SLC7A2: variants seen among roughly 807,000 people sequenced by gnomAD.
SLC7A2 encodes solute carrier family 7 member 2.
A neutral mutation model predicts 58.9 loss-of-function variants in SLC7A2; 48 were observed. The ratio of observed to expected loss-of-function variants is 0.82; its 90% CI spans 0.65 to 1.04. The LOEUF is 1.04. SLC7A2 is among the 50% of genes least tolerant of loss of function. SLC7A2 has a pLI of 0.00. For missense variants in SLC7A2, 1,029 were observed against 818.8 expected (o/e 1.26, Z -3.13); for synonymous variants, 363 against 314.5 (o/e 1.15, Z -1.63).
At chr8:17,555,001 G>A in intron 8 of SLC7A2, 1 of 1,614,042 alleles carries the variant, frequency 6.2e-7, no homozygotes, top group Non-Finnish European at 8.5e-7. Context: ...GGCCCGGGAT[G>A]GCTTACTGTT....
intron 4 of SLC7A2, among the ~76,000 whole-genome samples, chr8:17,545,410 T>G (rs1001740452): frequency 7.2e-6 from 1 of 139,818 alleles, no homozygotes; most frequent in Non-Finnish European, 1.6e-5. Flanking sequence ...TTTCTTTTTT[T>G]TTTTTTTTTT....
chr8:17,548,637 T>C (rs1173292773), intron 4 of SLC7A2, 41 bp from the exon 5 acceptor site: 1 of 1,498,040 alleles, frequency 6.7e-7, no homozygotes, highest in Non-Finnish European at 9.2e-7. Context: ...CTATTGCCTT[T>C]CCTAAAGCTA....
intron 7 of SLC7A2, among the ~76,000 whole-genome samples, chr8:17,552,303 A>T (rs927736131): frequency 6.6e-6 from 1 of 152,170 alleles, no homozygotes. Context: ...TATAGGCATT[A>T]TGAAACTTCA....
At position 17,564,958 on chromosome 8, in the gene SLC7A2, A is replaced by T; in HGVS notation, c.1789A>T (p.Ile597Phe). ...TTTTCCTGCCCCAACAGGCTTCCTG[A>T]TTTACTTTTCTTATGGCATTAGACA... ...FSIWMAIGFL[I>F]YFSYGIRHSL... The change falls in exon 13 of 13, where the codon ATT (isoleucine) becomes TTT (phenylalanine). Residue 597 changes from isoleucine to phenylalanine, a missense_variant. Coordinates refer to ENST00000494857, the MANE Select transcript of SLC7A2 (RefSeq NM_001370338.1). The T allele has an allele frequency of 6.3e-7, 1 of 1,575,084 alleles. No homozygotes were observed. The highest frequency in any genetic ancestry group is 8.6e-7 in the Non-Finnish European group (1 of 1,164,798).
intron 7 of SLC7A2, 57 bp from the exon 8 acceptor site, chr8:17,554,503 G>C: frequency 7.2e-7 from 1 of 1,390,990 alleles, no homozygotes; most frequent in African/African-American, 1.5e-5. Context: ...ATTTCCGTTC[G>C]GGGATGTAAT....
intron 2 of SLC7A2, among the ~76,000 whole-genome samples, chr8:17,504,055 G>A (rs1336754720): frequency 6.6e-6 from 1 of 152,214 alleles, no homozygotes; most frequent in Non-Finnish European, 1.5e-5. Flanking sequence ...GATTCCCCAA[G>A]CAAAGTGAGA....
Position 17,551,865 on chromosome 8 carries a change from C to G in SLC7A2, c.934C>G (p.Leu312Val), listed in dbSNP as rs557501641. The G allele has an allele frequency of 1.2e-6, 2 of 1,613,974 alleles. No homozygotes were observed. The highest frequency in any genetic ancestry group is 1.3e-5 in the African/African-American group (1 of 74,990). The change falls in exon 7 of 13, where the codon CTT becomes GTT. Residue 312 changes from leucine (L) to valine (V), a missense_variant. Coordinates refer to ENST00000494857, the MANE Select transcript of SLC7A2 (RefSeq NM_001370338.1). ...TTTTGGGGTCTCTGCAGCTTTAACA[C>G]TTATGATGCCGTACTACCTCCTCGA... ...AYFGVSAALTLMMPYYLLDEK... is the reference protein window; with the variant it reads ...AYFGVSAALTVMMPYYLLDEK...
chr8:17,550,919 C>T lies in SLC7A2; in HGVS notation c.832+485C>T, dbSNP rs373300727. The stretch of plus-strand genomic sequence containing the variant: ...TCTCTAAATGCCTCCTCTATTTTTA[C>T]GTCATAGTGTGGCCATACAATTGAC... On this transcript the variant is annotated intron_variant, in intron 6 of 12. Coordinates refer to ENST00000494857, the MANE Select transcript of SLC7A2 (RefSeq NM_001370338.1). Among the ~76,000 whole-genome samples, 10 of 152,272 alleles carry T rather than the reference C, an allele frequency of 6.6e-5. No individual in the cohort carries two copies. In the South Asian group the frequency reaches 1.7e-3, roughly 25 times the overall value.
At chr8:17,561,813 C>T (rs928574177) in intron 10 of SLC7A2, 131 bp from the exon 11 acceptor site, 40 of 800,388 alleles carry the variant, frequency 5.0e-5, no homozygotes, top group East Asian at 4.7e-4. Flanking sequence ...AAGGGCAAGG[C>T]GAAGACTCTT....
At chr8:17,527,496 T>A (rs889428107) in intron 2 of SLC7A2, among the ~76,000 whole-genome samples, 5 of 152,158 alleles carry the variant, frequency 3.3e-5, no homozygotes, top group Non-Finnish European at 5.9e-5. Flanking sequence ...ACAAACTGGG[T>A]AGCTTAAAAT....
intron 8 of SLC7A2, among the ~76,000 whole-genome samples, chr8:17,555,488 AT>A (rs977166493): frequency 6.6e-6 from 1 of 152,174 alleles, no homozygotes; most frequent in African/African-American, 2.4e-5. Flanking sequence ...TAATGATTCA[AT>A]TTTTTGGTCT....
chr8:17,547,401 G>C (rs1802224490), intron 4 of SLC7A2, among the ~76,000 whole-genome samples: 1 of 152,086 alleles, frequency 6.6e-6, no homozygotes, highest in Admixed American at 6.5e-5. Context: ...ATGATACATG[G>C]GGATTATGGG....
chr8:17,561,137 T>C (rs1237573444), intron 10 of SLC7A2, among the ~76,000 whole-genome samples: 3 of 152,164 alleles, frequency 2.0e-5, no homozygotes, highest in African/African-American at 7.2e-5. Context: ...GTGATGTCAT[T>C]CTCTAAAACA....
At chr8:17,538,778 C>G (rs183408026) in intron 2 of SLC7A2, 2 of 1,611,036 alleles carry the variant, frequency 1.2e-6, no homozygotes, top group East Asian at 4.5e-5. Context: ...TTCCATCAGT[C>G]CCAAAACAGA....
intron 5 of SLC7A2, among the ~76,000 whole-genome samples, 173 bp from the exon 6 acceptor site, chr8:17,550,128 G>T (rs1010165404): frequency 3.3e-5 from 5 of 152,122 alleles, no homozygotes; most frequent in African/African-American, 4.8e-5. Context: ...ACTGTTAGTG[G>T]CACCACCACA....
At chr8:17,552,240 C>T (rs895170840) in intron 7 of SLC7A2, among the ~76,000 whole-genome samples, 2 of 150,960 alleles carry the variant, frequency 1.3e-5, no homozygotes, top group African/African-American at 4.9e-5. Context: ...GGCATTGATA[C>T]ACACAGACAC....
intron 2 of SLC7A2, among the ~76,000 whole-genome samples, chr8:17,525,987 C>T (rs1352707029): frequency 6.6e-6 from 1 of 152,120 alleles, no homozygotes; most frequent in Non-Finnish European, 1.5e-5. Context: ...AACATTCCCT[C>T]ATGACTAGCT....
At position 17,547,818 on chromosome 8, in the gene SLC7A2, G is replaced by A. The variant is rs985798296; in HGVS notation, c.533-860G>A. Among the ~76,000 whole-genome samples, 3 of 148,260 alleles carry A rather than the reference G, an allele frequency of 2.0e-5. No homozygotes were observed. In the East Asian group the frequency reaches 6.0e-4, roughly 30 times the overall value. On this transcript the variant is annotated intron_variant, in intron 4 of 12. Coordinates refer to ENST00000494857, the MANE Select transcript of SLC7A2 (RefSeq NM_001370338.1). ...TGTGTGTGTGTGTGTGTGTGTGTGT[G>A]TGTGTTTACAAAATTTGGGAGGGAA...
At chr8:17,539,448 A>G (rs571647478) in intron 2 of SLC7A2, among the ~76,000 whole-genome samples, 2 of 152,100 alleles carry the variant, frequency 1.3e-5, no homozygotes, top group Admixed American at 1.3e-4. Context: ...CGCTAATTCT[A>G]TTTTCAGATC....
Sources: gnomAD v4.1 joint callset for allele counts (sites outside exome capture counted in the v4.1 genomes callset) on GRCh38, gnomAD v4.1.1 for gene constraint, MANE v1.5 for transcripts, NCBI Gene and HGNC (gene_info 2026-07-23, HGNC 2026-07-21) for gene names.